The following EBF2 variants were observed in gnomAD, a reference collection of about 807,000 sequenced individuals.
EBF2 encodes EBF transcription factor 2, also known as transcription factor COE2.
EBF2 carries 21 observed loss-of-function variants against 72.8 expected under a neutral mutation model. That is an observed-to-expected ratio of 0.29 (90% CI 0.20 to 0.42). The LOEUF (loss-of-function observed/expected upper bound fraction) is 0.42, where lower values mean the gene tolerates loss of function less well. Among genes scored for constraint, EBF2 ranks in the 10% least tolerant of loss-of-function variants. EBF2 has a pLI of 1.00. For missense variants in EBF2, 637 were observed against 731.2 expected (o/e 0.87, Z 1.49); for synonymous variants, 299 against 274.2 (o/e 1.09, Z -0.89).
chr8:25,904,202 T>C (rs1421318320), intron 7 of EBF2, among the ~76,000 whole-genome samples: 1 of 145,140 alleles, frequency 6.9e-6, no homozygotes, highest in East Asian at 2.0e-4. Flanking sequence ...ATACAGACTA[T>C]AGCTTTTACC....
intron 6 of EBF2, among the ~76,000 whole-genome samples, chr8:26,020,309 G>A (rs1366602648): frequency 2.0e-5 from 3 of 152,166 alleles, no homozygotes; most frequent in Admixed American, 2.0e-4. Context: ...CCAGTGTTTG[G>A]GTTTGGAGGT....
At chr8:25,971,795 G>A (rs11781978) in intron 6 of EBF2, among the ~76,000 whole-genome samples, 11,958 of 152,056 alleles carry the variant, frequency 0.079, 491 homozygotes, top group Non-Finnish European at 0.093. Context: ...ACTGGCTATA[G>A]CCTGCATCTG....
Position 26,042,087 on chromosome 8 carries a change from C to T in EBF2, c.288+8G>A. On this transcript the variant is annotated splice_region_variant and intron_variant, in intron 2 of 15. Transcript: ENST00000520164. ...GGCCGCGGGGTTTGGGGGGTACTTT[C>T]CGCTTACTTTGTCATTCTCCACAAA... 1 of 1,612,978 alleles carries T rather than the reference C, an allele frequency of 6.2e-7. No homozygotes were observed. Among genetic ancestry groups the T allele is most frequent in the Non-Finnish European group, 8.5e-7 (1 of 1,179,172 alleles).
chr8:26,011,894 C>G (rs1379299336), intron 6 of EBF2, among the ~76,000 whole-genome samples: 1 of 151,892 alleles, frequency 6.6e-6, no homozygotes, highest in Non-Finnish European at 1.5e-5. Context: ...AAATGGATGC[C>G]CGGGCAAGCG....
chr8:25,913,316 C>T (rs1803158117), intron 6 of EBF2, among the ~76,000 whole-genome samples: 1 of 152,020 alleles, frequency 6.6e-6, no homozygotes, highest in Non-Finnish European at 1.5e-5. Context: ...TGGCATGCAC[C>T]TGTAGTCCCA....
chr8:25,969,209 A>G (rs1804156636), intron 6 of EBF2, among the ~76,000 whole-genome samples: 1 of 152,204 alleles, frequency 6.6e-6, no homozygotes, highest in Non-Finnish European at 1.5e-5. Context: ...CTGTGTAATG[A>G]CAAACTCCAT....
chr8:25,998,787 C>G (rs1804676441), intron 6 of EBF2, among the ~76,000 whole-genome samples: 1 of 152,130 alleles, frequency 6.6e-6, no homozygotes, highest in Admixed American at 6.6e-5. Context: ...AGGGATAACA[C>G]ATTACAAGAG....
chr8:25,853,300 G>T (rs763754504), intron 14 of EBF2, among the ~76,000 whole-genome samples: 1 of 151,112 alleles, frequency 6.6e-6, no homozygotes, highest in Non-Finnish European at 1.5e-5. Context: ...TACTTATTTA[G>T]ATATGTTCAT....
chr8:25,858,655 T>C, intron 13 of EBF2, 151 bp from the exon 14 acceptor site: 2 of 363,484 alleles, frequency 5.5e-6, no homozygotes, highest in Non-Finnish European at 9.2e-6. Flanking sequence ...CTTTAGCTTT[T>C]TTTTTTTTTT....
rs1804845887 is a variant in EBF2 at position 26,005,421 on chromosome 8, T to TATATATTATA, written c.551+27654_551+27663dup. ...TTATAAAATATAATATATATTATAA[T>TATATATTATA]ATATATTATATATATTATATTATAA... On this transcript the variant is annotated intron_variant, in intron 6 of 15. Coordinates refer to ENST00000520164, the MANE Select transcript of EBF2 (RefSeq NM_022659.4). Among the ~76,000 whole-genome samples, 6 of 10,924 alleles carry TATATATTATA rather than the reference T, an allele frequency of 5.5e-4. 2 individuals are homozygous for TATATATTATA. Among genetic ancestry groups the TATATATTATA allele is most frequent in the African/African-American group, 1.1e-3 (3 of 2,708 alleles). 7.2% of individuals were successfully genotyped at this position (10,924 alleles called of 152,430 possible).
chr8:25,851,627 T>A (rs915064696), intron 14 of EBF2, among the ~76,000 whole-genome samples: 7 of 152,208 alleles, frequency 4.6e-5, no homozygotes, highest in African/African-American at 1.7e-4. Flanking sequence ...CTCTTAAATA[T>A]AGCACCTTAT....
At chr8:25,869,234 G>A (rs921685269) in intron 10 of EBF2, among the ~76,000 whole-genome samples, 1 of 152,108 alleles carries the variant, frequency 6.6e-6, no homozygotes, top group African/African-American at 2.4e-5. Context: ...ACACATAAAT[G>A]ACAACTGCTC....
At chr8:26,042,646 G>A (rs1219874604) in intron 1 of EBF2, among the ~76,000 whole-genome samples, 3 of 152,210 alleles carry the variant, frequency 2.0e-5, no homozygotes, top group Non-Finnish European at 4.4e-5. Context: ...TGGTACTGCT[G>A]GGTGTATCAG....
chr8:25,935,186 G>A (rs1563405839), intron 6 of EBF2, among the ~76,000 whole-genome samples: 1 of 152,142 alleles, frequency 6.6e-6, no homozygotes, highest in Non-Finnish European at 1.5e-5. Flanking sequence ...AAGCGATGGA[G>A]GGGGAAGTGG....
chr8:25,862,866 C>T, intron 10 of EBF2, 69 bp from the exon 11 acceptor site: 1 of 1,190,666 alleles, frequency 8.4e-7, no homozygotes, highest in Non-Finnish European at 1.2e-6. Context: ...ATTAATTCTT[C>T]CACAGGTAAT....
chr8:25,844,443 A>C lies in EBF2; in HGVS notation c.*166T>G. 1 of 670,112 alleles carries C rather than the reference A, an allele frequency of 1.5e-6. No individual in the cohort carries two copies. The highest frequency in any genetic ancestry group is 2.6e-6 in the Non-Finnish European group (1 of 383,376). The allele number at this position is 670,112 out of a possible 1,614,324, so 41.5% of individuals were successfully genotyped here. The stretch of plus-strand genomic sequence containing the variant: ...AGTTTGTGTAGCCACCATCAGAGCT[A>C]TAGGAGGACGTGGGACCAAGTAAGA... On this transcript the variant is annotated 3_prime_UTR_variant, in exon 16 of 16. Transcript: ENST00000520164.
intron 6 of EBF2, among the ~76,000 whole-genome samples, chr8:25,942,530 TCC>T (rs1471448803): frequency 1.3e-5 from 2 of 152,194 alleles, no homozygotes; most frequent in Admixed American, 1.3e-4. Flanking sequence ...ATGGAGAGGC[TCC>T]ATGGAGATTA....
At chr8:25,939,521 G>A (rs1480980785) in intron 6 of EBF2, among the ~76,000 whole-genome samples, 3 of 152,162 alleles carry the variant, frequency 2.0e-5, no homozygotes, top group East Asian at 3.8e-4. Flanking sequence ...GAAAACATTT[G>A]GCTAAACAGA....
chr8:25,901,286 A>T (rs1802947817), intron 7 of EBF2, among the ~76,000 whole-genome samples: 1 of 151,838 alleles, frequency 6.6e-6, no homozygotes, highest in South Asian at 2.1e-4. Context: ...GCCAGGCCTG[A>T]TGGCACACAC....
Sources: gnomAD v4.1 joint callset for allele counts (sites outside exome capture counted in the v4.1 genomes callset) on GRCh38, gnomAD v4.1.1 for gene constraint, MANE v1.5 for transcripts, NCBI Gene and HGNC (gene_info 2026-07-23, HGNC 2026-07-21) for gene names.